The following GRHL2 variants were observed in gnomAD, a reference collection of about 807,000 sequenced individuals.
GRHL2 encodes the protein grainyhead like transcription factor 2.
Under a neutral mutation model 83.8 loss-of-function variants are expected in GRHL2, and 21 were observed. The observed-to-expected ratio is 0.25, with a 90% CI of 0.18 to 0.36. The LOEUF (loss-of-function observed/expected upper bound fraction) is 0.36. GRHL2 is among the 10% of genes least tolerant of loss of function. GRHL2 has a pLI of 1.00. For synonymous variants in GRHL2, 280 were observed against 278.9 expected (o/e 1.00, Z -0.04); for missense variants, 623 against 781.8 (o/e 0.80, Z 2.42).
the GRHL2 span, among the ~76,000 whole-genome samples, chr8:101,680,430 T>C: frequency 6.7e-6 from 1 of 148,904 alleles, no homozygotes; most frequent in Admixed American, 6.7e-5. Flanking sequence ...ATAAAGCAAG[T>C]GCTTAGTGAC....
intron 1 of GRHL2, among the ~76,000 whole-genome samples, chr8:101,495,103 A>ATG (rs1810068614): frequency 6.6e-6 from 1 of 152,190 alleles, no homozygotes; most frequent in Non-Finnish European, 1.5e-5. Flanking sequence ...TTATGCAACT[A>ATG]TGTGTGTGAC....
At chr8:101,571,608 G>A (rs780143335) in intron 5 of GRHL2, among the ~76,000 whole-genome samples, 33 of 151,946 alleles carry the variant, frequency 2.2e-4, no homozygotes, top group Non-Finnish European at 1.2e-4. Context: ...CCTTATGAAG[G>A]TCATCAGGGC....
chr8:101,648,541 G>A (rs969806876), intron 13 of GRHL2, among the ~76,000 whole-genome samples: 2 of 152,120 alleles, frequency 1.3e-5, no homozygotes, highest in Non-Finnish European at 1.5e-5. Flanking sequence ...AGCTCTGCGA[G>A]GCAGATGTTA....
In GRHL2 at chr8:101,556,450, C is replaced by T. The variant is rs994680275; in HGVS notation, c.285-1969C>T. 6.6e-5 allele frequency among the ~76,000 whole-genome samples: 10 copies of T among 152,178 alleles called. No homozygotes were observed. In the East Asian group the frequency reaches 7.7e-4, roughly 12 times the overall value. ...AGAGGTGGCCCCAAAATTGCACTGA[C>T]CAGAGGGACTTGGCTAATAAAATCA... On this transcript the variant is annotated intron_variant, in intron 3 of 15. Coordinates refer to ENST00000646743, the MANE Select transcript of GRHL2 (RefSeq NM_024915.4).
chr8:101,649,776 C>T (rs1813584436), intron 14 of GRHL2, among the ~76,000 whole-genome samples: 1 of 152,122 alleles, frequency 6.6e-6, no homozygotes, highest in South Asian at 2.1e-4. Flanking sequence ...TCACTTGTCT[C>T]TCGGTATGAA....
At chr8:101,589,313 A>G (rs1021462922) in intron 7 of GRHL2, among the ~76,000 whole-genome samples, 3 of 152,240 alleles carry the variant, frequency 2.0e-5, no homozygotes, top group African/African-American at 4.8e-5. Flanking sequence ...CCTGAGCCAC[A>G]TGGACTAATG....
At chr8:101,665,159 T>C (rs1430499472) in intron 15 of GRHL2, among the ~76,000 whole-genome samples, 2 of 152,316 alleles carry the variant, frequency 1.3e-5, no homozygotes, top group East Asian at 3.9e-4. Flanking sequence ...CCAAGTCTCA[T>C]GTTCAGTAGG....
At chr8:101,506,857 T>C (rs1810351227) in intron 1 of GRHL2, among the ~76,000 whole-genome samples, 2 of 152,064 alleles carry the variant, frequency 1.3e-5, no homozygotes, top group Admixed American at 1.3e-4. Context: ...AATTGCAATT[T>C]GATAGTTAAA....
chr8:101,504,760 G>A (rs1810301527), intron 1 of GRHL2, among the ~76,000 whole-genome samples: 1 of 151,950 alleles, frequency 6.6e-6, no homozygotes, highest in Admixed American at 6.5e-5. Context: ...CATAGATCAT[G>A]CCAGACCAGC....
At chr8:101,655,534 C>T (rs1563629253) in intron 14 of GRHL2, among the ~76,000 whole-genome samples, 1 of 152,132 alleles carries the variant, frequency 6.6e-6, no homozygotes, top group Non-Finnish European at 1.5e-5. Context: ...TAGTCCTAAA[C>T]CCCCCAGACC....
chr8:101,670,650 G>A (rs951285001), downstream of GRHL2, among the ~76,000 whole-genome samples: 8 of 152,212 alleles, frequency 5.3e-5, no homozygotes, highest in South Asian at 2.1e-4. Context: ...CTGAGGATAC[G>A]AGCTGGTCTC....
At chr8:101,500,805 C>T (rs1398622001) in intron 1 of GRHL2, among the ~76,000 whole-genome samples, 1 of 151,864 alleles carries the variant, frequency 6.6e-6, no homozygotes, top group African/African-American at 2.4e-5. Context: ...ACCACCACGC[C>T]CGACCGAAAG....
At chr8:101,493,651 C>T (rs965220179) in intron 1 of GRHL2, among the ~76,000 whole-genome samples, 3 of 152,116 alleles carry the variant, frequency 2.0e-5, no homozygotes, top group Non-Finnish European at 2.9e-5. Context: ...CGCAGTTGGC[C>T]GCCACCTCGG....
intron 1 of GRHL2, among the ~76,000 whole-genome samples, chr8:101,494,732 G>A (rs115841920): frequency 2.0e-4 from 30 of 152,314 alleles, no homozygotes; most frequent in African/African-American, 7.0e-4. Flanking sequence ...ATTTTCACCA[G>A]TTATACTTAG....
chr8:101,608,768 CACACACACA>C (rs1563605544), intron 8 of GRHL2, among the ~76,000 whole-genome samples: 19 of 141,210 alleles, frequency 1.3e-4, no homozygotes, highest in Admixed American at 1.4e-4. Context: ...CACACACACA[CACACACACA>C]CCTACACCTC....
chr8:101,536,000 G>T (rs1255965118), intron 1 of GRHL2, among the ~76,000 whole-genome samples: 1 of 152,222 alleles, frequency 6.6e-6, no homozygotes, highest in Non-Finnish European at 1.5e-5. Flanking sequence ...TGGAGGATGG[G>T]ATGTTGCAGC....
chr8:101,587,088 T>G (rs1273475763), intron 7 of GRHL2, among the ~76,000 whole-genome samples: 1 of 152,202 alleles, frequency 6.6e-6, no homozygotes, highest in Admixed American at 6.5e-5. Flanking sequence ...GGAAAATTGT[T>G]GAAGGGCAAA....
chr8:101,577,258 A>G, intron 6 of GRHL2, 150 bp from the exon 7 acceptor site: 1 of 679,888 alleles, frequency 1.5e-6, no homozygotes, highest in Admixed American at 2.1e-5. Context: ...TTATAACAAA[A>G]CGGACCATAC....
chr8:101,632,418 G>A (rs1264174635), intron 11 of GRHL2, 53 bp downstream of exon 11: 2 of 1,606,840 alleles, frequency 1.2e-6, no homozygotes, highest in Non-Finnish European at 1.7e-6. Context: ...GGCAAGTAGG[G>A]CTTTAAGATA....
Sources: allele counts gnomAD v4.1 joint callset (sites outside exome capture counted in the v4.1 genomes callset), GRCh38; gene constraint gnomAD v4.1.1; transcripts MANE v1.5; gene names NCBI Gene and HGNC (gene_info 2026-07-23, HGNC 2026-07-21).